TMIGD2: variants seen among roughly 807,000 people sequenced by gnomAD.
TMIGD2 encodes the protein transmembrane and immunoglobulin domain containing 2, also known as transmembrane and immunoglobulin domain-containing protein 2.
Under a neutral mutation model 22.6 loss-of-function variants are expected in TMIGD2, and 18 were observed. The ratio of observed to expected loss-of-function variants is 0.80; its 90% CI spans 0.55 to 1.18. The LOEUF (loss-of-function observed/expected upper bound fraction) is 1.18, where lower values mean the gene tolerates loss of function less well. Ranked by LOEUF, TMIGD2 falls within the 50% of genes most tolerant of loss-of-function variation. The pLI, the probability that TMIGD2 is intolerant of heterozygous loss-of-function variation, is 0.00. For synonymous variants in TMIGD2, 184 were observed against 154.1 expected (o/e 1.19, Z -1.44); for missense variants, 361 against 378.2 (o/e 0.95, Z 0.38).
At chr19:4,298,686 T>C (rs1024299740) in intron 1 of TMIGD2, among the ~76,000 whole-genome samples, 2 of 152,054 alleles carry the variant, frequency 1.3e-5, no homozygotes, top group East Asian at 1.9e-4. Flanking sequence ...CGGTGAGCTA[T>C]GATTGCACCA....
exon 5 of TMIGD2, chr19:4,292,336 ATCC>A: frequency 2.2e-6 from 1 of 447,398 alleles, no homozygotes; most frequent in South Asian, 2.4e-5. Flanking sequence ...CAGGCTCCCA[ATCC>A]TCCTGCTTTT....
chr19:4,301,619 G>A (rs988330090), intron 1 of TMIGD2, among the ~76,000 whole-genome samples: 2 of 152,204 alleles, frequency 1.3e-5, no homozygotes, highest in Non-Finnish European at 2.9e-5. Context: ...GCAGTCAACC[G>A]AGATCGCGTC....
At chr19:4,298,013 T>C (rs1283936396) in exon 2 of TMIGD2, 25 of 1,607,106 alleles carry the variant, frequency 1.6e-5, no homozygotes, top group Non-Finnish European at 2.1e-5. Flanking sequence ...CTTGTTATGT[T>C]GCCCTCAGCC....
At chr19:4,293,260 C>CT (rs150388447) in intron 4 of TMIGD2, among the ~76,000 whole-genome samples, 28,961 of 112,366 alleles carry the variant, frequency 0.26, 4,228 homozygotes, top group African/African-American at 0.35. Flanking sequence ...CGCGCCCGGC[C>CT]TTTTTTTTTT....
At chr19:4,292,647 G>A (rs1971396454) in exon 5 of TMIGD2, 5 of 1,612,636 alleles carry the variant, frequency 3.1e-6, no homozygotes, top group Non-Finnish European at 4.2e-6. Context: ...GCTGCTGGGT[G>A]GGGCTTGGTC....
At chr19:4,299,446 CT>C (rs1323766356) in intron 1 of TMIGD2, among the ~76,000 whole-genome samples, 14 of 145,112 alleles carry the variant, frequency 9.6e-5, no homozygotes, top group African/African-American at 1.5e-4. Context: ...TGTGACCGGC[CT>C]TTTTTTTTTT....
At chr19:4,301,837 G>A (rs760145549) in intron 1 of TMIGD2, among the ~76,000 whole-genome samples, 2 of 152,186 alleles carry the variant, frequency 1.3e-5, no homozygotes, top group Non-Finnish European at 2.9e-5. Flanking sequence ...GCTGCTGCCG[G>A]AGTAGAAAGT....
exon 5 of TMIGD2, chr19:4,292,360 G>T (rs940816115): frequency 6.1e-6 from 3 of 488,538 alleles, no homozygotes; most frequent in African/African-American, 2.0e-5. Context: ...TGTTTTTTTT[G>T]AGACGGAGTC....
Position 4,294,689 on chromosome 19 carries a change from G to A in TMIGD2, c.449-9C>T, listed in dbSNP as rs202032398. ...CAGCACGAAGAGGAATCCTGGGTAG[G>A]GGGAGAAGAGATGGTCTAATCAGGA... is the stretch of plus-strand genomic sequence containing the variant. On this transcript the variant is annotated splice_polypyrimidine_tract_variant and intron_variant, in intron 3 of 4. Coordinates refer to ENST00000301272, the Ensembl canonical transcript of TMIGD2. 54 of 1,582,806 alleles carry A rather than the reference G, an allele frequency of 3.4e-5. No homozygotes were observed. The highest frequency in any genetic ancestry group is 4.4e-5 in the Non-Finnish European group (51 of 1,163,836).
chr19:4,298,122 C>T (rs1353214556), exon 2 of TMIGD2: 1 of 1,613,484 alleles, frequency 6.2e-7, no homozygotes, highest in Non-Finnish European at 8.5e-7. Flanking sequence ...GGCTGGGTGC[C>T]TGCCAGGAGA....
chr19:4,297,960 C>T, intron 2 of TMIGD2, 26 bp downstream of exon 2: 1 of 1,535,018 alleles, frequency 6.5e-7, no homozygotes, highest in East Asian at 2.3e-5. Context: ...CCCACTGCCC[C>T]TCCCTCTCCC....
In TMIGD2 at chr19:4,298,078, T is replaced by C. The variant is rs200527725; in HGVS notation, c.314A>G (p.Asn105Ser). The C allele has an allele frequency of 1.1e-5, 18 of 1,613,662 alleles. No individual in the cohort carries two copies. The Admixed American group carries it at 2.3e-4, about 21-fold the overall frequency. Residue 105 changes from asparagine to serine, a missense_variant, in exon 2 of 5, where the codon AAC becomes AGC. Physicochemically the swap from Asn to Ser is conservative, Grantham distance 46. Transcript: ENST00000301272. ...CCAGCACACGTACGCCCCGCTGTGGTTGAGGCTCACAGGGTCCAGCTGCAG... is the reference window on the plus strand; with the variant it reads ...CCAGCACACGTACGCCCCGCTGTGGCTGAGGCTCACAGGGTCCAGCTGCAG...
intron 4 of TMIGD2, 147 bp downstream of exon 4, chr19:4,294,432 T>A (rs1338115669): frequency 8.3e-6 from 6 of 720,012 alleles, no homozygotes; most frequent in Non-Finnish European, 1.2e-5. Context: ...CTGAAAAACA[T>A]GAGCATAGGA....
intron 2 of TMIGD2, among the ~76,000 whole-genome samples, chr19:4,295,558 G>GA (rs796746830): frequency 7.5e-4 from 108 of 143,296 alleles, no homozygotes; most frequent in Non-Finnish European, 9.2e-4. Context: ...AGACTGTCTC[G>GA]AAAAAAAAAA....
rs570652362 is a variant in TMIGD2 at position 4,298,404 on chromosome 19, A to T, written c.47-59T>A. ...GACTGTGCGCATGTGAGGCTGTGTG[A>T]CTCACTCCCCTAGTGAGCCCGCAGT... On this transcript the variant is annotated intron_variant, in intron 1 of 4. Coordinates refer to ENST00000301272, the Ensembl canonical transcript of TMIGD2. 7.3e-6 allele frequency: 11 copies of T among 1,497,862 alleles called. 1 individual carries two copies. In the South Asian group the frequency reaches 1.3e-4, roughly 18 times the overall value. 92.8% of individuals were successfully genotyped at this position (1,497,862 alleles called of 1,614,324 possible).
intron 2 of TMIGD2, 54 bp from the exon 3 acceptor site, chr19:4,294,870 G>C (rs1971440445): frequency 1.3e-6 from 2 of 1,497,824 alleles, no homozygotes; most frequent in Admixed American, 4.7e-5. Context: ...ACCCTCCAAG[G>C]ACAGAGCTCA....
chr19:4,294,131 G>T (rs547099260), intron 4 of TMIGD2, among the ~76,000 whole-genome samples: 1 of 144,236 alleles, frequency 6.9e-6, no homozygotes, highest in African/African-American at 2.6e-5. Flanking sequence ...TCAGTGGCGC[G>T]ATCTTGGCTC....
chr19:4,299,945 T>C (rs1000796682), intron 1 of TMIGD2, among the ~76,000 whole-genome samples: 11 of 152,066 alleles, frequency 7.2e-5, no homozygotes, highest in African/African-American at 2.2e-4. Context: ...GGCACCTTCA[T>C]AGCTCACTGC....
chr19:4,298,263 G>T, exon 2 of TMIGD2: 1 of 1,611,792 alleles, frequency 6.2e-7, no homozygotes. Flanking sequence ...CCACCTGGCA[G>T]ACCAGGGTCG....
Sources: gnomAD v4.1 joint callset for allele counts (sites outside exome capture counted in the v4.1 genomes callset) on GRCh38, gnomAD v4.1.1 for gene constraint, MANE v1.5 for transcripts, NCBI Gene and HGNC (gene_info 2026-07-23, HGNC 2026-07-21) for gene names.